Variants in HGD observed in about 807,000 individuals in gnomAD.
HGD encodes the protein homogentisate 1,2-dioxygenase, also known as homogentisate oxidase.
Under a neutral mutation model 60.8 loss-of-function variants are expected in HGD, and 61 were observed. That is an observed-to-expected ratio of 1.00 (90% CI 0.82 to 1.24). HGD has a LOEUF of 1.24. Ranked by LOEUF, HGD falls within the 50% of genes most tolerant of loss-of-function variation. HGD has a pLI of 0.00. For synonymous variants in HGD, 212 were observed against 187.7 expected (o/e 1.13, Z -1.06); for missense variants, 542 against 547.1 (o/e 0.99, Z 0.09).
intron 1 of HGD, among the ~76,000 whole-genome samples, chr3:120,679,422 T>C (rs1239965969): frequency 2.0e-5 from 3 of 152,144 alleles, no homozygotes; most frequent in South Asian, 2.1e-4. Context: ...AGAACATAGA[T>C]TGTAAAGGGA....
intron 13 of HGD, among the ~76,000 whole-genome samples, chr3:120,630,843 TAC>T (rs111540631): frequency 0.41 from 47,695 of 116,228 alleles, 9,579 homozygotes; most frequent in Non-Finnish European, 0.46. Context: ...CACACACACA[TAC>T]ACACACACAC....
chr3:120,682,216 C>A lies in HGD; in HGVS notation c.-105G>T. 8.9e-7 allele frequency: 1 copy of A among 1,121,288 alleles called. No individual in the cohort carries two copies. The highest frequency in any genetic ancestry group is 1.4e-6 in the Non-Finnish European group (1 of 732,804). 69.5% of individuals were successfully genotyped at this position (1,121,288 alleles called of 1,614,324 possible). ...AAACCACTCTTTGGATATTCCGGTTCCCACTGCTTCACTGCGCTTCACTGG... is the reference window on the plus strand; with the variant it reads ...AAACCACTCTTTGGATATTCCGGTTACCACTGCTTCACTGCGCTTCACTGG... On this transcript the variant is annotated 5_prime_UTR_variant, in exon 1 of 14. Transcript: ENST00000283871.
chr3:120,645,342 G>T (rs1941126966), intron 9 of HGD, among the ~76,000 whole-genome samples: 2 of 152,150 alleles, frequency 1.3e-5, no homozygotes, highest in Non-Finnish European at 2.9e-5. Flanking sequence ...TTCCTCAGAG[G>T]AGCTGACCAG....
At chr3:120,681,754 A>G (rs1708234155) in intron 1 of HGD, among the ~76,000 whole-genome samples, 1 of 152,208 alleles carries the variant, frequency 6.6e-6, no homozygotes, top group South Asian at 2.1e-4. Flanking sequence ...GGCTGCAGCA[A>G]TGGGAAGGTG....
chr3:120,644,108 G>A (rs1941081525), intron 10 of HGD, among the ~76,000 whole-genome samples: 1 of 152,202 alleles, frequency 6.6e-6, no homozygotes, highest in African/African-American at 2.4e-5. Flanking sequence ...GCCACTTACT[G>A]TGAAATTGGT....
rs776190831 is a variant in HGD at position 120,628,376 on chromosome 3, AG to A, written c.*3del. On this transcript the variant is annotated 3_prime_UTR_variant, in exon 14 of 14. Transcript: ENST00000283871. ...CTCTTAATTATGGTAGCAATGTTCC[AG>A]TCTCAATTAGGTTCTGCTGGGTTCC... The A allele has an allele frequency of 2.5e-6, 4 of 1,613,646 alleles. No homozygotes were observed. In the African/African-American group the frequency reaches 4.0e-5, roughly 16 times the overall value.
chr3:120,637,398 T>G (rs183244240), intron 12 of HGD, among the ~76,000 whole-genome samples: 27 of 151,940 alleles, frequency 1.8e-4, no homozygotes, highest in African/African-American at 6.0e-4. Context: ...TTTAAAAAAC[T>G]TGTAACAGAG....
At chr3:120,675,239 G>A (rs2733828) in intron 2 of HGD, among the ~76,000 whole-genome samples, 25,825 of 151,658 alleles carry the variant, frequency 0.17, 2,267 homozygotes, top group Middle Eastern at 0.26. Flanking sequence ...ATAACCAAGC[G>A]TTCACATGTT....
intron 4 of HGD, among the ~76,000 whole-genome samples, chr3:120,655,050 G>A (rs979016065): frequency 2.0e-5 from 3 of 152,092 alleles, no homozygotes; most frequent in Admixed American, 6.6e-5. Context: ...CAGCTTGGGT[G>A]ACAGAGTGAG....
chr3:120,655,337 C>A (rs992703960), intron 4 of HGD, among the ~76,000 whole-genome samples: 2 of 152,184 alleles, frequency 1.3e-5, no homozygotes, highest in Admixed American at 6.5e-5. Context: ...AGAGAACATA[C>A]CTTCAATAGG....
intron 4 of HGD, among the ~76,000 whole-genome samples, chr3:120,666,766 C>A (rs1276555513): frequency 1.3e-5 from 2 of 152,078 alleles, no homozygotes; most frequent in African/African-American, 4.8e-5. Context: ...CCTGCCTTGG[C>A]CTCCCAAAGT....
At chr3:120,635,273 C>T (rs1445778588) in intron 12 of HGD, among the ~76,000 whole-genome samples, 2 of 151,816 alleles carry the variant, frequency 1.3e-5, no homozygotes, top group Admixed American at 1.3e-4. Context: ...GTCAAGAGAT[C>T]GAGACCATCC....
Position 120,682,088 on chromosome 3 carries a change from G to A in HGD, c.15+9C>T. On this transcript the variant is annotated intron_variant, in intron 1 of 13. Transcript: ENST00000283871. Reference sequence around the variant, plus strand: ...GAAGCCATAGCAAACTTGTCAGATGGTTTCTTACCTTTAACTCAGCCATTT... The same window carrying A: ...GAAGCCATAGCAAACTTGTCAGATGATTTCTTACCTTTAACTCAGCCATTT... The A allele has an allele frequency of 6.2e-7, 1 of 1,613,828 alleles. No homozygotes were observed. Among genetic ancestry groups the A allele is most frequent in the Non-Finnish European group, 8.5e-7 (1 of 1,179,760 alleles).
At chr3:120,650,526 T>C (rs1276163148) in intron 6 of HGD, among the ~76,000 whole-genome samples, 1 of 152,210 alleles carries the variant, frequency 6.6e-6, no homozygotes, top group Non-Finnish European at 1.5e-5. Context: ...CATCCTCCCT[T>C]TTCTGTTTAC....
intron 9 of HGD, among the ~76,000 whole-genome samples, chr3:120,645,935 T>C (rs998969851): frequency 2.0e-5 from 3 of 152,208 alleles, no homozygotes; most frequent in African/African-American, 7.2e-5. Context: ...TCTCATCTCT[T>C]CTGTGGAGCT....
chr3:120,658,509 C>T lies in HGD; in HGVS notation c.283-5858G>A, dbSNP rs543448454. 9.2e-5 allele frequency among the ~76,000 whole-genome samples: 14 copies of T among 152,342 alleles called. No individual in the cohort carries two copies. In the South Asian group the frequency reaches 1.5e-3, roughly 16 times the overall value. On this transcript the variant is annotated intron_variant, in intron 4 of 13. Transcript: ENST00000283871. ...GTGGCTTTGCAGGATTCAGCACCTGCGGCTGCTCTCATGGGCTGCCATTGA... is the reference window on the plus strand; with the variant it reads ...GTGGCTTTGCAGGATTCAGCACCTGTGGCTGCTCTCATGGGCTGCCATTGA...
At chr3:120,645,589 G>T (rs148984805) in intron 9 of HGD, among the ~76,000 whole-genome samples, 1 of 152,268 alleles carries the variant, frequency 6.6e-6, no homozygotes, top group Non-Finnish European at 1.5e-5. Context: ...GCCTCCTGGG[G>T]TGTGGTTTCT....
intron 10 of HGD, 113 bp downstream of exon 10, chr3:120,644,206 G>A (rs746516306): frequency 2.4e-6 from 3 of 1,229,730 alleles, no homozygotes; most frequent in Non-Finnish European, 2.4e-6. Flanking sequence ...GTGCCGTAGT[G>A]GTATGATAAC....
intron 11 of HGD, among the ~76,000 whole-genome samples, chr3:120,639,207 C>T (rs915715037): frequency 3.3e-5 from 5 of 152,170 alleles, no homozygotes; most frequent in African/African-American, 1.2e-4. Flanking sequence ...TTTTTTCACC[C>T]TCCCCCTTCT....
Sources: gnomAD v4.1 joint callset for allele counts (sites outside exome capture counted in the v4.1 genomes callset) on GRCh38, gnomAD v4.1.1 for gene constraint, MANE v1.5 for transcripts, NCBI Gene and HGNC (gene_info 2026-07-23, HGNC 2026-07-21) for gene names.